RTN1: variants seen among roughly 807,000 people sequenced by gnomAD.
RTN1 encodes reticulon-1.
RTN1 carries 25 observed loss-of-function variants against 65.5 expected under a neutral mutation model. The observed-to-expected ratio is 0.38, with a 90% CI of 0.28 to 0.53. The LOEUF is 0.53. Among genes scored for constraint, RTN1 ranks in the 20% least tolerant of loss-of-function variants. The pLI is 0.79. For missense variants in RTN1, 983 were observed against 1,025.4 expected, an observed-to-expected ratio of 0.96 and a Z score of 0.57; for synonymous variants, 471 against 447.6, an observed-to-expected ratio of 1.05 and a Z score of -0.66.
At chr14:59,684,268 A>T (rs1883801291) in intron 3 of RTN1, among the ~76,000 whole-genome samples, 1 of 152,042 alleles carries the variant, frequency 6.6e-6, no homozygotes, top group South Asian at 2.1e-4. Context: ...TATAAAATTT[A>T]AAAACTTCAG....
intron 1 of RTN1, among the ~76,000 whole-genome samples, chr14:59,809,367 T>TA (rs1373067990): frequency 2.6e-5 from 4 of 152,064 alleles, no homozygotes; most frequent in Non-Finnish European, 5.9e-5. Flanking sequence ...TATTTCTTTA[T>TA]AAACTCAATA....
intron 2 of RTN1, among the ~76,000 whole-genome samples, chr14:59,741,165 C>T (rs1363050054): frequency 6.6e-6 from 1 of 152,130 alleles, no homozygotes; most frequent in East Asian, 1.9e-4. Flanking sequence ...CCCTTCCTTC[C>T]CCCTCCTCCA....
chr14:59,768,107 TG>T (rs1885884598), intron 1 of RTN1, among the ~76,000 whole-genome samples: 1 of 152,216 alleles, frequency 6.6e-6, no homozygotes, highest in African/African-American at 2.4e-5. Flanking sequence ...CATTACCAAA[TG>T]TCTACTTTAG....
chr14:59,711,774 A>G (rs1395445419), intron 3 of RTN1, among the ~76,000 whole-genome samples: 2 of 152,222 alleles, frequency 1.3e-5, no homozygotes, highest in Non-Finnish European at 2.9e-5. Context: ...GGGTGATGAT[A>G]AGTGCTTTGA....
intron 3 of RTN1, among the ~76,000 whole-genome samples, chr14:59,675,513 G>A (rs1883608018): frequency 2.0e-5 from 3 of 150,458 alleles, no homozygotes; most frequent in Admixed American, 1.3e-4. Context: ...AGTTCAATAT[G>A]TTCTTTCATT....
At chr14:59,599,528 T>C (rs1166916973) in intron 8 of RTN1, among the ~76,000 whole-genome samples, 2 of 152,190 alleles carry the variant, frequency 1.3e-5, no homozygotes, top group Non-Finnish European at 2.9e-5. Flanking sequence ...AATGAACATC[T>C]TTAGGGTCTA....
chr14:59,798,471 T>C (rs1349891847), intron 1 of RTN1, among the ~76,000 whole-genome samples: 2 of 152,202 alleles, frequency 1.3e-5, no homozygotes, highest in African/African-American at 2.4e-5. Context: ...GTTAGTAGCA[T>C]GGGTTCTTTA....
Position 59,816,272 on chromosome 14 carries a change from T to C in RTN1, c.241+54118A>G, listed in dbSNP as rs797021858. 3.5e-4 allele frequency among the ~76,000 whole-genome samples: 53 copies of C among 152,268 alleles called. No homozygotes were observed. The highest frequency in any genetic ancestry group is 1.1e-3 in the African/African-American group (47 of 41,544). On this transcript the variant is annotated intron_variant, in intron 1 of 8. Transcript: ENST00000267484. This position sits in a 1 kb window ranked among gnomAD's most constrained non-coding sequence, Gnocchi z 4.3. Reference sequence around the variant, plus strand: ...ACTAGTTACTCAGGTGATTAATGAATGCTGATACAGACCTTTAGTAAAGAA... The same window carrying C: ...ACTAGTTACTCAGGTGATTAATGAACGCTGATACAGACCTTTAGTAAAGAA...
intron 1 of RTN1, among the ~76,000 whole-genome samples, chr14:59,751,290 T>C (rs935276429): frequency 2.6e-5 from 4 of 151,396 alleles, no homozygotes; most frequent in African/African-American, 9.7e-5. Context: ...GGATTGTCCT[T>C]ATTTCCTAAG....
At chr14:59,848,357 T>C (rs927391297) in intron 1 of RTN1, among the ~76,000 whole-genome samples, 1 of 152,246 alleles carries the variant, frequency 6.6e-6, no homozygotes, top group African/African-American at 2.4e-5. Context: ...TTGAATGCTA[T>C]ATCAAGGACA....
Position 59,749,530 on chromosome 14 carries a change from T to C in RTN1, c.242-3049A>G, listed in dbSNP as rs1420038791. On this transcript the variant is annotated intron_variant, in intron 1 of 8. Coordinates refer to ENST00000267484, the MANE Select transcript of RTN1 (RefSeq NM_021136.3). Reference sequence around the variant, plus strand: ...ATATAGATATCTATATATTTATATATATCTATCTATATATATTTATATAGA... The same window carrying C: ...ATATAGATATCTATATATTTATATACATCTATCTATATATATTTATATAGA... 8.6e-5 allele frequency among the ~76,000 whole-genome samples: 5 copies of C among 58,284 alleles called. 1 individual carries two copies. The highest frequency in any genetic ancestry group is 4.4e-4 in the South Asian group (1 of 2,278). The allele number at this position is 58,284 out of a possible 152,430, so 38.2% of individuals were successfully genotyped here.
chr14:59,627,666 G>A (rs1039140650), intron 3 of RTN1, among the ~76,000 whole-genome samples: 5 of 152,138 alleles, frequency 3.3e-5, no homozygotes, highest in Non-Finnish European at 7.4e-5. Context: ...GTATATATAA[G>A]GAGGACTTTA....
At chr14:59,841,640 G>A (rs1887313522) in intron 1 of RTN1, among the ~76,000 whole-genome samples, 1 of 151,248 alleles carries the variant, frequency 6.6e-6, no homozygotes, top group Non-Finnish European at 1.5e-5. Flanking sequence ...CCAGGAGGCA[G>A]AGGATGCAGT....
intron 1 of RTN1, among the ~76,000 whole-genome samples, chr14:59,781,593 T>C (rs1886156748): frequency 1.3e-5 from 2 of 152,142 alleles, no homozygotes; most frequent in Admixed American, 1.3e-4. Flanking sequence ...TTAATGGCCA[T>C]AAATATTCCA....
chr14:59,666,513 A>T (rs928147050), intron 3 of RTN1, among the ~76,000 whole-genome samples: 9 of 152,190 alleles, frequency 5.9e-5, no homozygotes, highest in Non-Finnish European at 1.3e-4. Context: ...CGACACTCTA[A>T]CATCACAATT....
At chr14:59,793,751 C>T (rs778677217) in intron 1 of RTN1, among the ~76,000 whole-genome samples, 1 of 151,754 alleles carries the variant, frequency 6.6e-6, no homozygotes, top group South Asian at 2.1e-4. Flanking sequence ...AGTTGTTATA[C>T]CAATATATAC....
intron 3 of RTN1, among the ~76,000 whole-genome samples, chr14:59,691,029 A>G (rs995820172): frequency 6.6e-6 from 1 of 152,148 alleles, no homozygotes; most frequent in African/African-American, 2.4e-5. Flanking sequence ...TACAGGAACC[A>G]AAAAAGTGAG....
At chr14:59,853,974 C>T (rs1887556441) in intron 1 of RTN1, among the ~76,000 whole-genome samples, 1 of 151,098 alleles carries the variant, frequency 6.6e-6, no homozygotes, top group Non-Finnish European at 1.5e-5. Flanking sequence ...AAGCCATTCT[C>T]CTGCTTCAGC....
At chr14:59,685,760 C>G (rs575823657) in intron 3 of RTN1, among the ~76,000 whole-genome samples, 6 of 152,242 alleles carry the variant, frequency 3.9e-5, no homozygotes, top group South Asian at 2.1e-4. Context: ...TCTACAGATT[C>G]AACACAATCC....
Sources: gnomAD v4.1 joint callset for allele counts (sites outside exome capture counted in the v4.1 genomes callset) on GRCh38, gnomAD v4.1.1 for gene constraint, Gnocchi (gnomAD v3.1) non-coding constraint, MANE v1.5 for transcripts, NCBI Gene and HGNC (gene_info 2026-07-23, HGNC 2026-07-21) for gene names.